TAFA1: variants seen among roughly 807,000 people sequenced by gnomAD.
The protein encoded by TAFA1 is chemokine-like protein TAFA-1.
In TAFA1, 4 loss-of-function variants were observed where a neutral mutation model predicts 18.5. The ratio of observed to expected loss-of-function variants is 0.22; its 90% CI spans 0.11 to 0.49. The LOEUF is 0.49. Ranked by LOEUF, TAFA1 falls within the 20% of genes least tolerant of loss-of-function variation. The pLI, the probability that TAFA1 is intolerant of heterozygous loss-of-function variation, is 0.98. For synonymous variants in TAFA1, 56 were observed against 55.2 expected, an observed-to-expected ratio of 1.01 and a Z score of -0.06; for missense variants, 147 against 169.0, an observed-to-expected ratio of 0.87 and a Z score of 0.72.
intron 2 of TAFA1, among the ~76,000 whole-genome samples, chr3:68,082,359 A>C (rs1345118926): frequency 2.6e-5 from 4 of 152,042 alleles, no homozygotes; most frequent in South Asian, 2.1e-4. Flanking sequence ...CTTCCTAATT[A>C]ATTTATTCCT....
chr3:68,188,840 G>T (rs1471759005), intron 2 of TAFA1, among the ~76,000 whole-genome samples: 1 of 151,716 alleles, frequency 6.6e-6, no homozygotes, highest in East Asian at 1.9e-4. Flanking sequence ...AGAATAGTGG[G>T]GGTTTTTTGT....
chr3:68,027,514 G>A (rs181525050), intron 2 of TAFA1, among the ~76,000 whole-genome samples: 3 of 152,160 alleles, frequency 2.0e-5, no homozygotes, highest in Non-Finnish European at 4.4e-5. Context: ...GTGGAACCCC[G>A]ATATTTATTT....
At chr3:68,328,734 A>G (rs1028007134) in intron 2 of TAFA1, among the ~76,000 whole-genome samples, 4 of 152,056 alleles carry the variant, frequency 2.6e-5, no homozygotes, top group African/African-American at 9.7e-5. Flanking sequence ...TTTTTTATTC[A>G]TTTTAAAAAA....
At chr3:68,402,981 A>G (rs2070528096) in intron 2 of TAFA1, among the ~76,000 whole-genome samples, 1 of 152,338 alleles carries the variant, frequency 6.6e-6, no homozygotes, top group Non-Finnish European at 1.5e-5. Context: ...ACAATGTTTC[A>G]GTTAACGACA....
intron 3 of TAFA1, among the ~76,000 whole-genome samples, chr3:68,431,620 A>G (rs979653764): frequency 3.3e-5 from 5 of 152,026 alleles, no homozygotes; most frequent in African/African-American, 1.2e-4. Context: ...GAAAGATATT[A>G]AGATTGCATT....
At chr3:68,250,604 T>C (rs775076466) in intron 2 of TAFA1, among the ~76,000 whole-genome samples, 3 of 152,104 alleles carry the variant, frequency 2.0e-5, no homozygotes, top group Admixed American at 6.6e-5. Context: ...ATGTACTCAG[T>C]CAGCTAAGAG....
chr3:68,191,684 T>A (rs4459907), intron 2 of TAFA1, among the ~76,000 whole-genome samples: 1 of 151,660 alleles, frequency 6.6e-6, no homozygotes, highest in East Asian at 2.0e-4. Context: ...GAAAGGGAGA[T>A]AAGACTTTTT....
intron 2 of TAFA1, among the ~76,000 whole-genome samples, chr3:68,407,641 T>C (rs539730528): frequency 1.8e-3 from 270 of 152,228 alleles, no homozygotes; most frequent in African/African-American, 6.4e-3. Context: ...GATGCTGTCA[T>C]CCACATTCTA....
At chr3:68,452,833 G>T (rs529304600) in intron 3 of TAFA1, among the ~76,000 whole-genome samples, 2 of 152,128 alleles carry the variant, frequency 1.3e-5, no homozygotes, top group Admixed American at 1.3e-4. Context: ...CAAGCTTTGG[G>T]CAATCATTAT....
intron 2 of TAFA1, among the ~76,000 whole-genome samples, chr3:68,069,981 T>C (rs541361951): frequency 1.3e-5 from 2 of 152,216 alleles, no homozygotes; most frequent in Admixed American, 1.3e-4. Context: ...TGGCATTGAG[T>C]GTCTATGGCT....
intron 2 of TAFA1, among the ~76,000 whole-genome samples, chr3:68,259,566 T>C (rs934550830): frequency 6.9e-4 from 105 of 152,306 alleles, no homozygotes; most frequent in African/African-American, 2.5e-3. Context: ...TTCCTACCCA[T>C]GAGCATGGAA....
chr3:68,441,917 T>G (rs2071389937), intron 3 of TAFA1, among the ~76,000 whole-genome samples: 4 of 152,318 alleles, frequency 2.6e-5, no homozygotes, highest in Middle Eastern at 3.4e-3. Flanking sequence ...TGGGCAGAAC[T>G]TTGAGCAGTG....
chr3:68,422,244 T>A lies in TAFA1; in HGVS notation c.259+4824T>A, dbSNP rs536189809. Among the ~76,000 whole-genome samples, 16 of 152,254 alleles carry A rather than the reference T, an allele frequency of 1.1e-4. No homozygotes were observed. In the South Asian group the frequency reaches 3.3e-3, roughly 32 times the overall value. ...TTATTGTTAATAGCTATATGGGTTTTTCAGAGGTGGATACACCACCATTTA... is the reference window on the plus strand; with the variant it reads ...TTATTGTTAATAGCTATATGGGTTTATCAGAGGTGGATACACCACCATTTA... On this transcript the variant is annotated intron_variant, in intron 3 of 4. Transcript: ENST00000478136.
intron 2 of TAFA1, among the ~76,000 whole-genome samples, chr3:68,388,967 C>A (rs1162990618): frequency 6.6e-6 from 1 of 152,068 alleles, no homozygotes; most frequent in Non-Finnish European, 1.5e-5. Context: ...TTTGAGTGAA[C>A]TTTTTGTTTT....
At chr3:68,041,810 C>A (rs758476114) in intron 2 of TAFA1, among the ~76,000 whole-genome samples, 3 of 152,106 alleles carry the variant, frequency 2.0e-5, no homozygotes, top group Non-Finnish European at 4.4e-5. Flanking sequence ...TTGGGTTATG[C>A]TGGTGAAGGA....
At chr3:68,146,007 C>T (rs1372085043) in intron 2 of TAFA1, among the ~76,000 whole-genome samples, 2 of 152,114 alleles carry the variant, frequency 1.3e-5, no homozygotes, top group Admixed American at 1.3e-4. Context: ...CAACCACAAC[C>T]CTGGATTTTA....
intron 2 of TAFA1, among the ~76,000 whole-genome samples, chr3:68,036,564 C>T (rs999509128): frequency 6.6e-6 from 1 of 152,072 alleles, no homozygotes; most frequent in East Asian, 1.9e-4. Flanking sequence ...AGTCGTAGAG[C>T]CTGTCACCTC....
intron 2 of TAFA1, among the ~76,000 whole-genome samples, chr3:68,245,606 C>A (rs2067062524): frequency 6.6e-6 from 1 of 152,244 alleles, no homozygotes; most frequent in East Asian, 1.9e-4. Flanking sequence ...TACCGTAGTT[C>A]CATTTTCTTT....
At chr3:68,022,948 T>G (rs1462265241) in intron 2 of TAFA1, among the ~76,000 whole-genome samples, 1 of 148,692 alleles carries the variant, frequency 6.7e-6, no homozygotes, top group Non-Finnish European at 1.5e-5. Flanking sequence ...TATTTACCAC[T>G]GTGAGAAAGT....
Sources: gnomAD v4.1 joint callset for allele counts (sites outside exome capture counted in the v4.1 genomes callset) on GRCh38, gnomAD v4.1.1 for gene constraint, MANE v1.5 for transcripts, NCBI Gene and HGNC (gene_info 2026-07-23, HGNC 2026-07-21) for gene names.